The following SFXN2 variants were observed in gnomAD, a reference collection of about 807,000 sequenced individuals.
SFXN2 encodes sideroflexin 2, also known as sideroflexin-2.
SFXN2 carries 37 observed loss-of-function variants against 41.9 expected under a neutral mutation model. That is an observed-to-expected ratio of 0.88 (90% CI 0.68 to 1.16). The LOEUF is 1.16. Among genes scored for constraint, SFXN2 ranks in the 50% most tolerant of loss-of-function variants. The pLI is 0.00. For missense variants in SFXN2, 386 were observed against 425.2 expected (o/e 0.91, Z 0.81); for synonymous variants, 150 against 156.7 (o/e 0.96, Z 0.32).
chr10:102,719,016 C>T (rs895667381), intron 1 of SFXN2, among the ~76,000 whole-genome samples: 26 of 149,914 alleles, frequency 1.7e-4, no homozygotes, highest in African/African-American at 5.2e-4. Context: ...CTTCACCTCC[C>T]GGGTTCAAGT....
chr10:102,727,243 T>C, intron 3 of SFXN2, 86 bp downstream of exon 3: 1 of 1,391,586 alleles, frequency 7.2e-7, no homozygotes, highest in Non-Finnish European at 9.8e-7. Flanking sequence ...ATAATAGTTC[T>C]CTTGATTGGT....
At chr10:102,732,723 G>C in intron 8 of SFXN2, 136 bp from the exon 9 acceptor site, 1 of 840,872 alleles carries the variant, frequency 1.2e-6, no homozygotes, top group East Asian at 2.5e-5. Context: ...TTGCTCTTCT[G>C]TTCTGCCTAG....
At chr10:102,737,589 A>G in intron 11 of SFXN2, 74 bp from the exon 12 acceptor site, 2 of 920,822 alleles carry the variant, frequency 2.2e-6, no homozygotes, top group Non-Finnish European at 3.6e-6. Context: ...GGCTTCTTGG[A>G]GGTGATATTC....
At chr10:102,735,804 G>A in intron 10 of SFXN2, 58 bp from the exon 11 acceptor site, 1 of 1,574,400 alleles carries the variant, frequency 6.4e-7, no homozygotes, top group Non-Finnish European at 8.7e-7. Flanking sequence ...TGGGGATGGG[G>A]GATGGACGGG....
chr10:102,714,818 G>C (rs1349302635), intron 1 of SFXN2, 137 bp downstream of exon 1: 2 of 153,844 alleles, frequency 1.3e-5, no homozygotes, highest in East Asian at 3.8e-4. Context: ...GAAGCCACGT[G>C]GCGCGAAGTG....
chr10:102,720,079 T>C (rs2064484206), intron 1 of SFXN2, among the ~76,000 whole-genome samples: 1 of 151,864 alleles, frequency 6.6e-6, no homozygotes, highest in Non-Finnish European at 1.5e-5. Flanking sequence ...GGTCACGAGG[T>C]CAGGAGATCG....
chr10:102,737,271 G>A (rs1182044908), intron 11 of SFXN2, among the ~76,000 whole-genome samples: 3 of 152,164 alleles, frequency 2.0e-5, no homozygotes, highest in Non-Finnish European at 4.4e-5. Context: ...AAGGGATGAT[G>A]GAAAAGGGAA....
chr10:102,731,402 G>A (rs972404528), intron 6 of SFXN2, among the ~76,000 whole-genome samples: 1 of 152,112 alleles, frequency 6.6e-6, no homozygotes, highest in African/African-American at 2.4e-5. Context: ...TAAAGTGGGT[G>A]CCAGGATGAT....
At position 102,739,116 on chromosome 10, in the gene SFXN2, T is replaced by C. The variant is rs2064820732; in HGVS notation, c.*1354T>C. On this transcript the variant is annotated 3_prime_UTR_variant, in exon 12 of 12. Coordinates refer to ENST00000369893, the MANE Select transcript of SFXN2 (RefSeq NM_178858.6). ...TGTGTATGAGTTTTGTCTGGTAGGA[T>C]TGCTGACTCTGTCCAACAGATATCA... 6.6e-6 allele frequency: 1 copy of C among 152,242 alleles called. No homozygotes were observed. Among genetic ancestry groups the C allele is most frequent in the African/African-American group, 2.4e-5 (1 of 41,442 alleles). 9.4% of individuals were successfully genotyped at this position (152,242 alleles called of 1,614,324 possible). A position where few individuals can be genotyped will look rare whatever the true frequency, so the allele number is the denominator to read the frequency against.
In SFXN2 at chr10:102,740,693, C is replaced by A. The variant is rs562842877; in HGVS notation, c.*2931C>A. On this transcript the variant is annotated 3_prime_UTR_variant, in exon 12 of 12. Transcript: ENST00000369893. The stretch of plus-strand genomic sequence containing the variant: ...GTATGTGGCCCTCTGTGTCTGGTTT[C>A]TTTCCTTAGGATAATGTTTTCAAGG... 1 of 152,152 alleles carries A rather than the reference C, an allele frequency of 6.6e-6. No individual in the cohort carries two copies. Among genetic ancestry groups the A allele is most frequent in the Non-Finnish European group, 1.5e-5 (1 of 68,036 alleles). The allele number at this position is 152,152 out of a possible 1,614,324, so 9.4% of individuals were successfully genotyped here. A position where few individuals can be genotyped will look rare whatever the true frequency, so the allele number is the denominator to read the frequency against.
chr10:102,735,829 T>C (rs1307527514), intron 10 of SFXN2, 33 bp from the exon 11 acceptor site: 3 of 1,612,552 alleles, frequency 1.9e-6, no homozygotes. Flanking sequence ...TGGGGAGATG[T>C]CCCCTGATGC....
chr10:102,733,651 C>G, intron 10 of SFXN2, 48 bp downstream of exon 10: 1 of 1,494,378 alleles, frequency 6.7e-7, no homozygotes, highest in Non-Finnish European at 9.3e-7. Context: ...CTGGAGCACT[C>G]AAGATGTGTC....
intron 1 of SFXN2, among the ~76,000 whole-genome samples, chr10:102,721,540 A>G (rs762479406): frequency 6.8e-6 from 1 of 147,726 alleles, no homozygotes; most frequent in Non-Finnish European, 1.5e-5. Flanking sequence ...ATGTCTATAT[A>G]AATAAATGTA....
intron 10 of SFXN2, among the ~76,000 whole-genome samples, chr10:102,735,314 C>G (rs2064760904): frequency 6.6e-6 from 1 of 151,344 alleles, no homozygotes; most frequent in Non-Finnish European, 1.5e-5. Flanking sequence ...CTTCAAGTCG[C>G]TCCTCCCCAT....
intron 9 of SFXN2, 97 bp downstream of exon 9, chr10:102,733,005 C>A: frequency 8.1e-7 from 1 of 1,228,752 alleles, no homozygotes. Flanking sequence ...ACCCATCCTT[C>A]CCTTTAGCTA....
At chr10:102,717,781 G>C in intron 1 of SFXN2, 1 of 985,462 alleles carries the variant, frequency 1.0e-6, no homozygotes. Flanking sequence ...TGCATTTCAG[G>C]TAAGCAGTAA....
intron 4 of SFXN2, 94 bp from the exon 5 acceptor site, chr10:102,729,225 A>G (rs189173320): frequency 1.6e-6 from 2 of 1,214,556 alleles, no homozygotes; most frequent in East Asian, 4.7e-5. Flanking sequence ...GTTTTCACGC[A>G]CGAAGCCTCG....
At chr10:102,731,945 G>A (rs3802676) in intron 7 of SFXN2, among the ~76,000 whole-genome samples, 162 bp downstream of exon 7, 31,739 of 151,988 alleles carry the variant, frequency 0.21, 3,438 homozygotes, top group Middle Eastern at 0.31. Context: ...GTTCAGAACA[G>A]GCCCCTTCTC....
Position 102,737,702 on chromosome 10 carries a change from C to T in SFXN2, c.909C>T (p.Asp303=). Residue 303 remains aspartate (D), a synonymous_variant, in exon 12 of 12, where the codon GAC becomes GAT. Coordinates refer to ENST00000369893, the MANE Select transcript of SFXN2 (RefSeq NM_178858.6). ...CCTATCTGGAACCGAAGCTCCAAGACACTATCAAGGCCAAGTATGGAGAAC... is the reference window on the plus strand; with the variant it reads ...CCTATCTGGAACCGAAGCTCCAAGATACTATCAAGGCCAAGTATGGAGAAC... ...PVSYLEPKLQ[D]TIKAKYGELE... 2 of 1,613,268 alleles carry T rather than the reference C, an allele frequency of 1.2e-6. No individual in the cohort carries two copies. The highest frequency in any genetic ancestry group is 1.7e-6 in the Non-Finnish European group (2 of 1,179,380).
Sources: allele counts gnomAD v4.1 joint callset (sites outside exome capture counted in the v4.1 genomes callset), GRCh38; gene constraint gnomAD v4.1.1; transcripts MANE v1.5; gene names NCBI Gene and HGNC (gene_info 2026-07-23, HGNC 2026-07-21).